Variants in ABCA5 observed in about 807,000 individuals in gnomAD.
ABCA5 encodes ATP binding cassette subfamily A member 5.
ABCA5 carries 163 observed loss-of-function variants against 206.0 expected under a neutral mutation model. That is an observed-to-expected ratio of 0.79 (90% CI 0.70 to 0.90). The LOEUF is 0.90. ABCA5 is among the 40% of genes least tolerant of loss of function. The pLI, the probability that ABCA5 is intolerant of heterozygous loss-of-function variation, is 0.00. For missense variants in ABCA5, 1,859 were observed against 1,912.9 expected (o/e 0.97, Z 0.53); for synonymous variants, 609 against 613.8 (o/e 0.99, Z 0.11).
At chr17:69,265,736 G>A (rs2075200356) in intron 23 of ABCA5, among the ~76,000 whole-genome samples, 1 of 152,050 alleles carries the variant, frequency 6.6e-6, no homozygotes, top group Non-Finnish European at 1.5e-5. Flanking sequence ...ATGAGAACAT[G>A]AGACACATGT....
At chr17:69,287,861 G>A (rs2075476900) in intron 14 of ABCA5, 110 bp from the exon 15 acceptor site, 2 of 1,045,476 alleles carry the variant, frequency 1.9e-6, no homozygotes, top group Non-Finnish European at 2.6e-6. Context: ...TTTTCAATCA[G>A]AAATATATTA....
intron 18 of ABCA5, among the ~76,000 whole-genome samples, chr17:69,279,853 C>T (rs1228606567): frequency 6.6e-6 from 1 of 152,142 alleles, no homozygotes; most frequent in Non-Finnish European, 1.5e-5. Flanking sequence ...AAACTGGATC[C>T]CTTCCTTACA....
intron 19 of ABCA5, among the ~76,000 whole-genome samples, chr17:69,276,371 GC>G (rs1453615189): frequency 1.3e-5 from 2 of 152,154 alleles, no homozygotes; most frequent in Non-Finnish European, 2.9e-5. Flanking sequence ...ACAAGCTTGA[GC>G]CACCGAGCCC....
intron 8 of ABCA5, among the ~76,000 whole-genome samples, chr17:69,302,389 A>G (rs1212277251): frequency 6.6e-6 from 1 of 152,208 alleles, no homozygotes; most frequent in Admixed American, 6.6e-5. Flanking sequence ...TACAAATGAT[A>G]GCAATATAAC....
At position 69,326,490 on chromosome 17, in the gene ABCA5, T is replaced by C. The variant is rs1245616690; in HGVS notation, c.-16+562A>G. 1.3e-5 allele frequency among the ~76,000 whole-genome samples: 2 copies of C among 152,184 alleles called. No homozygotes were observed. The highest frequency in any genetic ancestry group is 3.9e-4 in the East Asian group (2 of 5,192). ...TCCATGCCTGGAGCTCCTATTCGTG[T>C]TTTAGGATCAGGGAATTTCCCTCCC... On this transcript the variant is annotated intron_variant, in intron 1 of 38. Coordinates refer to ENST00000392676, the MANE Select transcript of ABCA5 (RefSeq NM_172232.4). This position sits in a 1 kb window ranked among gnomAD's most constrained non-coding sequence, Gnocchi z 4.8.
At chr17:69,253,974 C>A in intron 32 of ABCA5, 105 bp from the exon 33 acceptor site, 1 of 909,714 alleles carries the variant, frequency 1.1e-6, no homozygotes, top group Non-Finnish European at 1.7e-6. Flanking sequence ...GTTACTTAGT[C>A]GAAGCTTATT....
At chr17:69,249,561 T>C (rs1478982778) in intron 37 of ABCA5, 5 of 244,476 alleles carry the variant, frequency 2.0e-5, no homozygotes, top group Non-Finnish European at 3.1e-5. Flanking sequence ...ATAATTAAGC[T>C]GACCCTTCTC....
At position 69,264,786 on chromosome 17, in the gene ABCA5, T is replaced by C; in HGVS notation, c.3264A>G (p.Leu1088=). 1.3e-6 allele frequency: 2 copies of C among 1,594,166 alleles called. No individual in the cohort carries two copies. The highest frequency in any genetic ancestry group is 1.3e-5 in the African/African-American group (1 of 74,168). ...FIILILMLGS[L]LAFHYGLYFY... is the part of the protein sequence containing the mutation. ...AATATAATCCATAATGAAATGCCAA[T>C]AAGCTTCCTAGCATCAAAATAAGAA... The change falls in exon 24 of 39, where the codon TTA becomes TTG. Residue 1088 remains leucine, a synonymous_variant. Coordinates refer to ENST00000392676, the MANE Select transcript of ABCA5 (RefSeq NM_172232.4).
intron 3 of ABCA5, among the ~76,000 whole-genome samples, chr17:69,311,502 T>C (rs1218493699): frequency 6.6e-6 from 1 of 152,180 alleles, no homozygotes; most frequent in Non-Finnish European, 1.5e-5. Context: ...TTGTTTTTTG[T>C]TTTTGAGATA....
In ABCA5 at chr17:69,313,244, A is replaced by G; in HGVS notation, c.155T>C (p.Met52Thr). 6.6e-7 allele frequency: 1 copy of G among 1,510,054 alleles called. No homozygotes were observed. The highest frequency in any genetic ancestry group is 9.2e-7 in the Non-Finnish European group (1 of 1,089,030). The allele number at this position is 1,510,054 out of a possible 1,614,324, so 93.5% of individuals were successfully genotyped here. A position where few individuals can be genotyped will look rare whatever the true frequency, so the allele number is the denominator to read the frequency against. Reference protein sequence around the residue: ...FLFWLILISMMHPNKKYEEVP... With the variant: ...FLFWLILISMTHPNKKYEEVP... ...TTCTTCATATTTCTTATTTGGATGC[A>G]TCATGCTAATTAATATTAACCAAAA... The change falls in exon 3 of 39, where the codon ATG becomes ACG. Residue 52 changes from methionine (M) to threonine (T), a missense_variant. By Grantham distance (81) the Met-to-Thr change is moderately conservative. Transcript: ENST00000392676.
intron 24 of ABCA5, among the ~76,000 whole-genome samples, chr17:69,263,614 T>C (rs1295353595): frequency 1.3e-5 from 2 of 152,120 alleles, no homozygotes; most frequent in Non-Finnish European, 1.5e-5. Context: ...AATACCATGC[T>C]GTTTTGGTCA....
At position 69,264,784 on chromosome 17, in the gene ABCA5, A is replaced by C; in HGVS notation, c.3266T>G (p.Leu1089Trp). 1 of 1,594,910 alleles carries C rather than the reference A, an allele frequency of 6.3e-7. No homozygotes were observed. The highest frequency in any genetic ancestry group is 1.2e-5 in the South Asian group (1 of 86,322). Residue 1089 changes from leucine (L) to tryptophan (W), a missense_variant, in exon 24 of 39, where the codon TTG (leucine) becomes TGG (tryptophan). Leu to Trp is a moderately conservative substitution (Grantham distance 61). Transcript: ENST00000392676. ...AAAATATAATCCATAATGAAATGCC[A>C]ATAAGCTTCCTAGCATCAAAATAAG... ...IILILMLGSL[L>W]AFHYGLYFYT...
intron 1 of ABCA5, among the ~76,000 whole-genome samples, chr17:69,318,319 T>G (rs1354867258): frequency 6.6e-6 from 1 of 152,130 alleles, no homozygotes; most frequent in Non-Finnish European, 1.5e-5. Flanking sequence ...GGTCTCAAAC[T>G]TCTGACCTCA....
chr17:69,326,312 G>T lies in ABCA5; in HGVS notation c.-16+740C>A, dbSNP rs2075896498. On this transcript the variant is annotated intron_variant, in intron 1 of 38. Transcript: ENST00000392676. This position sits in a 1 kb window ranked among gnomAD's most constrained non-coding sequence, Gnocchi z 4.8. ...ACTCCTCTTCCCTTAGATTCCTTCA[G>T]AACGCCCTTGTAGAAAGTAAACGTG... Among the ~76,000 whole-genome samples, 1 of 152,194 alleles carries T rather than the reference G, an allele frequency of 6.6e-6. No individual in the cohort carries two copies. The highest frequency in any genetic ancestry group is 6.5e-5 in the Admixed American group (1 of 15,284).
intron 22 of ABCA5, among the ~76,000 whole-genome samples, chr17:69,268,508 G>C (rs933390619): frequency 6.6e-6 from 1 of 151,740 alleles, no homozygotes; most frequent in African/African-American, 2.4e-5. Context: ...TATGGAACTA[G>C]AACTTCTTCT....
In ABCA5 at chr17:69,244,845, T is replaced by C. The variant is rs2074933416; in HGVS notation, c.*2692A>G. On this transcript the variant is annotated 3_prime_UTR_variant, in exon 39 of 39. Coordinates refer to ENST00000392676, the MANE Select transcript of ABCA5 (RefSeq NM_172232.4). ...TCCTATAAAACGTTGTTAGTACTAC[T>C]AGCAAAGGATTTGTCATATTATAGT... 6.6e-6 allele frequency: 1 copy of C among 150,660 alleles called. No homozygotes were observed. Among genetic ancestry groups the C allele is most frequent in the African/African-American group, 2.4e-5 (1 of 41,234 alleles). 9.3% of individuals were successfully genotyped at this position (150,660 alleles called of 1,614,324 possible).
intron 9 of ABCA5, among the ~76,000 whole-genome samples, chr17:69,298,373 T>C (rs971601515): frequency 3.8e-5 from 4 of 106,608 alleles, no homozygotes; most frequent in African/African-American, 6.5e-5. Context: ...GGGCATACAG[T>C]GGTAACTGCC....
At chr17:69,312,378 C>T (rs1262825627) in intron 3 of ABCA5, among the ~76,000 whole-genome samples, 3 of 152,126 alleles carry the variant, frequency 2.0e-5, no homozygotes, top group African/African-American at 7.2e-5. Flanking sequence ...ACCTGGGCAA[C>T]ATAGCAAGAT....
rs146073602 is a variant in ABCA5 at position 69,265,196 on chromosome 17, G to A, written c.3145-291C>T. ...AAATAAAGCAAAAGGTGTCATGGCG[G>A]TTGGGGTTACAGCTATACAAATAAT... On this transcript the variant is annotated intron_variant, in intron 23 of 38. Coordinates refer to ENST00000392676, the MANE Select transcript of ABCA5 (RefSeq NM_172232.4). Among the ~76,000 whole-genome samples, 24 of 152,236 alleles carry A rather than the reference G, an allele frequency of 1.6e-4. 1 individual carries two copies. In the East Asian group the frequency reaches 4.4e-3, roughly 28 times the overall value.
Sources: gnomAD v4.1 joint callset for allele counts (sites outside exome capture counted in the v4.1 genomes callset) on GRCh38, gnomAD v4.1.1 for gene constraint, Gnocchi (gnomAD v3.1) non-coding constraint, MANE v1.5 for transcripts, NCBI Gene and HGNC (gene_info 2026-07-23, HGNC 2026-07-21) for gene names.